Variants in ACTR3C observed in about 807,000 individuals in gnomAD.
ACTR3C encodes actin related protein 3C.
ACTR3C carries 18 observed loss-of-function variants against 26.3 expected under a neutral mutation model. The observed-to-expected ratio is 0.68, with a 90% CI of 0.47 to 1.01. The LOEUF is 1.01. Among genes scored for constraint, ACTR3C ranks in the 50% least tolerant of loss-of-function variants. The probability of loss-of-function intolerance (pLI) is 0.00; values close to 1 mark genes in which losing one functional copy is unlikely to be tolerated. For synonymous variants in ACTR3C, 55 were observed against 94.5 expected (o/e 0.58, Z 2.42); for missense variants, 184 against 250.7 (o/e 0.73, Z 1.80).
the ACTR3C span, chr7:150,047,608 C>T: frequency 1.9e-6 from 2 of 1,041,642 alleles, no homozygotes; most frequent in African/African-American, 1.7e-5. Flanking sequence ...GAAGCTCTTA[C>T]GTCCTCCTTG....
chr7:150,209,918 CAA>C, the ACTR3C span, among the ~76,000 whole-genome samples: 10,719 of 62,880 alleles, frequency 0.17, 639 homozygotes, highest in East Asian at 0.36. Flanking sequence ...GACTGGGTCT[CAA>C]AAAAAAAAAA....
downstream of ACTR3C, among the ~76,000 whole-genome samples, chr7:150,242,153 C>CTGCA (rs1188705555): frequency 6.6e-6 from 1 of 151,252 alleles, no homozygotes; most frequent in Non-Finnish European, 1.5e-5. Flanking sequence ...GAGGTGGAGG[C>CTGCA]TGCAGTGAGA....
the ACTR3C span, among the ~76,000 whole-genome samples, chr7:150,110,673 C>A: frequency 5.4e-5 from 3 of 55,672 alleles, no homozygotes; most frequent in Non-Finnish European, 3.3e-5. Flanking sequence ...TGTCTGAGGG[C>A]GGGGATGATC....
At chr7:150,229,837 C>T in the ACTR3C span, among the ~76,000 whole-genome samples, 1 of 151,744 alleles carries the variant, frequency 6.6e-6, no homozygotes, top group Admixed American at 6.6e-5. Context: ...GTCATACATT[C>T]CTAGAATAAA....
chr7:150,201,414 A>G, the ACTR3C span, among the ~76,000 whole-genome samples: 2 of 152,198 alleles, frequency 1.3e-5, no homozygotes, highest in Non-Finnish European at 2.9e-5. Context: ...TGAGACATCA[A>G]TGTTTCCCAC....
chr7:150,320,580 T>C (rs1797401727), intron 1 of ACTR3C, among the ~76,000 whole-genome samples: 1 of 152,174 alleles, frequency 6.6e-6, no homozygotes. Flanking sequence ...CTGGCCAATA[T>C]GGCAAAACCC....
At chr7:150,211,182 C>T in the ACTR3C span, among the ~76,000 whole-genome samples, 32 of 148,824 alleles carry the variant, frequency 2.2e-4, 4 homozygotes, top group South Asian at 1.0e-3. Context: ...CATCTACTGG[C>T]GTAGGTTCTC....
At chr7:149,955,012 A>G in the ACTR3C span, among the ~76,000 whole-genome samples, 10 of 152,232 alleles carry the variant, frequency 6.6e-5, no homozygotes, top group African/African-American at 2.4e-4. Context: ...AAATCCAGGT[A>G]TACACTAATT....
chr7:150,250,780 T>C (rs1832798206), intron 6 of ACTR3C, among the ~76,000 whole-genome samples: 1 of 151,712 alleles, frequency 6.6e-6, no homozygotes, highest in Non-Finnish European at 1.5e-5. Context: ...GGAGAGCAAG[T>C]GGGGTGGAAG....
chr7:150,100,728 G>A, the ACTR3C span, among the ~76,000 whole-genome samples: 1 of 149,270 alleles, frequency 6.7e-6, no homozygotes, highest in East Asian at 2.0e-4. Flanking sequence ...TTTGAGATGG[G>A]GGCCTCACTT....
the ACTR3C span, among the ~76,000 whole-genome samples, chr7:150,022,913 T>C: frequency 4.6e-5 from 7 of 151,758 alleles, no homozygotes; most frequent in African/African-American, 1.7e-4. Context: ...CTCTTCATGA[T>C]TGTCTTGTTA....
the ACTR3C span, among the ~76,000 whole-genome samples, chr7:150,035,917 G>T: frequency 4.0e-3 from 547 of 135,768 alleles, 64 homozygotes; most frequent in South Asian, 9.3e-3. Flanking sequence ...CCTCGCGGGG[G>T]GTGCCTCGCC....
chr7:149,889,968 G>A, the ACTR3C span, among the ~76,000 whole-genome samples: 1 of 152,186 alleles, frequency 6.6e-6, no homozygotes, highest in East Asian at 1.9e-4. Flanking sequence ...AATTTCAGCT[G>A]TGAAGACACA....
the ACTR3C span, among the ~76,000 whole-genome samples, chr7:150,034,998 G>A: frequency 1.5e-3 from 201 of 131,782 alleles, 1 homozygote; most frequent in Middle Eastern, 5.8e-3. Context: ...CCCCTCCTGT[G>A]ATGGGGGTCC....
At chr7:150,009,986 G>A in the ACTR3C span, among the ~76,000 whole-genome samples, 1 of 152,236 alleles carries the variant, frequency 6.6e-6, no homozygotes, top group South Asian at 2.1e-4. Context: ...AAACTCTTCA[G>A]TGCCTTCCTG....
the ACTR3C span, among the ~76,000 whole-genome samples, chr7:150,108,610 C>A: frequency 6.7e-6 from 1 of 148,386 alleles, no homozygotes; most frequent in Non-Finnish European, 1.5e-5. Flanking sequence ...AGGCTCCACC[C>A]TTATAAATGC....
At chr7:150,100,097 GA>G in the ACTR3C span, among the ~76,000 whole-genome samples, 1 of 151,604 alleles carries the variant, frequency 6.6e-6, no homozygotes, top group East Asian at 1.9e-4. Context: ...ATAGAGACTG[GA>G]ACCTCTGTAC....
the ACTR3C span, among the ~76,000 whole-genome samples, chr7:150,172,046 G>A: frequency 2.7e-5 from 4 of 150,654 alleles, 1 homozygote; most frequent in African/African-American, 7.5e-5. Flanking sequence ...TCCTGACCTC[G>A]TGATCCGCCC....
At chr7:150,035,267 T>C in the ACTR3C span, among the ~76,000 whole-genome samples, 1 of 69,100 alleles carries the variant, frequency 1.4e-5, no homozygotes, top group Admixed American at 1.4e-4. Flanking sequence ...GGGCTGGCTC[T>C]CAGTCCCTGC....
Sources: gnomAD v4.1 joint callset for allele counts (sites outside exome capture counted in the v4.1 genomes callset) on GRCh38, gnomAD v4.1.1 for gene constraint, MANE v1.5 for transcripts, NCBI Gene and HGNC (gene_info 2026-07-23, HGNC 2026-07-21) for gene names.